The following ABCC4 variants were observed in gnomAD, a reference collection of about 807,000 sequenced individuals.
ABCC4 encodes ATP binding cassette subfamily C member 4 (PEL blood group), also known as ATP-binding cassette sub-family C member 4.
Under a neutral mutation model 168.5 loss-of-function variants are expected in ABCC4, and 102 were observed. The ratio of observed to expected loss-of-function variants is 0.61; its 90% CI spans 0.52 to 0.71. The LOEUF (loss-of-function observed/expected upper bound fraction) is 0.71. Ranked by LOEUF, ABCC4 falls within the 30% of genes least tolerant of loss-of-function variation. The pLI is 0.00. For missense variants in ABCC4, 1,402 were observed against 1,605.8 expected, an observed-to-expected ratio of 0.87 and a Z score of 2.17; for synonymous variants, 617 against 590.7, an observed-to-expected ratio of 1.04 and a Z score of -0.65.
intron 27 of ABCC4, among the ~76,000 whole-genome samples, chr13:95,047,683 C>T (rs142186805): frequency 0.014 from 2,103 of 152,002 alleles, 63 homozygotes; most frequent in African/African-American, 0.048. Context: ...TGGGGTTTCA[C>T]CATATTGGCC....
At chr13:95,299,169 G>A (rs1163761555) in intron 1 of ABCC4, among the ~76,000 whole-genome samples, 1 of 151,698 alleles carries the variant, frequency 6.6e-6, no homozygotes, top group African/African-American at 2.4e-5. Context: ...TGAGGCAGGA[G>A]GATTGCTTCG....
At chr13:95,058,924 C>T (rs953988518) in intron 26 of ABCC4, among the ~76,000 whole-genome samples, 37 of 152,174 alleles carry the variant, frequency 2.4e-4, no homozygotes, top group Non-Finnish European at 1.8e-4. Context: ...GCAGGTGCAA[C>T]CAATGGATCA....
At chr13:95,114,400 A>C (rs2035303702) in intron 20 of ABCC4, among the ~76,000 whole-genome samples, 1 of 152,196 alleles carries the variant, frequency 6.6e-6, no homozygotes, top group African/African-American at 2.4e-5. Context: ...TCCTGTTGCA[A>C]AGAAACAGAA....
At chr13:95,025,823 C>T (rs898550139) in intron 30 of ABCC4, among the ~76,000 whole-genome samples, 7 of 152,028 alleles carry the variant, frequency 4.6e-5, no homozygotes, top group African/African-American at 1.5e-4. Flanking sequence ...CTGTGCATAA[C>T]AGAGATACAA....
At chr13:95,228,800 C>G (rs1268454280) in intron 4 of ABCC4, among the ~76,000 whole-genome samples, 1 of 151,182 alleles carries the variant, frequency 6.6e-6, no homozygotes, top group East Asian at 1.9e-4. Context: ...TGGCTCACAC[C>G]TGTAATCCTG....
At chr13:95,251,839 C>A (rs1007576341) in intron 1 of ABCC4, among the ~76,000 whole-genome samples, 1 of 152,180 alleles carries the variant, frequency 6.6e-6, no homozygotes, top group African/African-American at 2.4e-5. Context: ...TCCACAGTTT[C>A]GCTTTCCACA....
intron 19 of ABCC4, among the ~76,000 whole-genome samples, chr13:95,130,086 A>G (rs906601431): frequency 1.3e-5 from 2 of 151,904 alleles, no homozygotes; most frequent in Admixed American, 1.3e-4. Context: ...AAAAAAAAAA[A>G]AAAAAGAAAA....
intron 1 of ABCC4, among the ~76,000 whole-genome samples, chr13:95,262,631 C>CG (rs1566579862): frequency 7.0e-6 from 1 of 142,212 alleles, no homozygotes; most frequent in East Asian, 2.1e-4. Flanking sequence ...GACACTTAGA[C>CG]TTTTTTTTTT....
At chr13:95,148,607 C>CACAT (rs2036572930) in intron 19 of ABCC4, among the ~76,000 whole-genome samples, 1 of 150,178 alleles carries the variant, frequency 6.7e-6, no homozygotes, top group Admixed American at 6.6e-5. Context: ...CACACACACA[C>CACAT]ACACACACAC....
chr13:95,097,220 T>TAAAAG (rs1190268955), intron 20 of ABCC4, among the ~76,000 whole-genome samples: 1 of 151,234 alleles, frequency 6.6e-6, no homozygotes, highest in East Asian at 1.9e-4. Flanking sequence ...ATAGAAAAAA[T>TAAAAG]AAGAACATAT....
intron 20 of ABCC4, among the ~76,000 whole-genome samples, chr13:95,113,312 C>A (rs147356169): frequency 6.6e-6 from 1 of 152,212 alleles, no homozygotes; most frequent in East Asian, 1.9e-4. Context: ...ACCGAGCAAC[C>A]CCCTTCATTC....
chr13:95,055,276 A>G (rs1401430117), intron 26 of ABCC4, among the ~76,000 whole-genome samples: 1 of 152,248 alleles, frequency 6.6e-6, no homozygotes, highest in East Asian at 1.9e-4. Context: ...CAACTCTAAA[A>G]TTCCAACCTC....
intron 1 of ABCC4, among the ~76,000 whole-genome samples, chr13:95,256,087 TGTGA>T (rs144215082): frequency 0.012 from 1,800 of 152,228 alleles, 33 homozygotes; most frequent in African/African-American, 0.041. Context: ...AATGAAGAAA[TGTGA>T]GTAAGATTTT....
intron 1 of ABCC4, among the ~76,000 whole-genome samples, chr13:95,294,585 A>G (rs946051842): frequency 6.6e-6 from 1 of 152,126 alleles, no homozygotes; most frequent in Non-Finnish European, 1.5e-5. Flanking sequence ...TGGAAGCGAG[A>G]CACCTTTTGC....
Position 95,207,185 on chromosome 13 carries a change from G to A in ABCC4, c.912-404C>T, listed in dbSNP as rs908416096. ...TAGGATTACAGGCATGTGCCACCAC[G>A]CCCAGCAAATGTTTGTATTTTTAGT... On this transcript the variant is annotated intron_variant, in intron 7 of 30. Transcript: ENST00000645237. Among the ~76,000 whole-genome samples the A allele has an allele frequency of 5.3e-5, 8 of 152,228 alleles. No homozygotes were observed. The East Asian group carries it at 5.8e-4, about 11-fold the overall frequency.
At chr13:95,193,692 A>T (rs2038329051) in intron 9 of ABCC4, among the ~76,000 whole-genome samples, 1 of 152,218 alleles carries the variant, frequency 6.6e-6, no homozygotes, top group African/African-American at 2.4e-5. Flanking sequence ...GTGTAATAAC[A>T]TAGTAAACAG....
At chr13:95,163,735 A>T in intron 16 of ABCC4, 88 bp from the exon 17 acceptor site, 1 of 1,161,084 alleles carries the variant, frequency 8.6e-7, no homozygotes, top group Non-Finnish European at 1.3e-6. Context: ...TGGACAACCG[A>T]AAGAAAGCCC....
At chr13:95,245,651 C>T (rs955880860) in intron 3 of ABCC4, among the ~76,000 whole-genome samples, 2 of 152,132 alleles carry the variant, frequency 1.3e-5, no homozygotes, top group African/African-American at 2.4e-5. Flanking sequence ...GCAGGCAGGG[C>T]GGGTACCCTC....
intron 8 of ABCC4, among the ~76,000 whole-genome samples, chr13:95,197,598 C>T (rs2038494778): frequency 6.6e-6 from 1 of 152,182 alleles, no homozygotes; most frequent in Non-Finnish European, 1.5e-5. Flanking sequence ...GCTGAAATGA[C>T]ATTGCCAATA....
Sources: gnomAD v4.1 joint callset for allele counts (sites outside exome capture counted in the v4.1 genomes callset) on GRCh38, gnomAD v4.1.1 for gene constraint, MANE v1.5 for transcripts, NCBI Gene and HGNC (gene_info 2026-07-23, HGNC 2026-07-21) for gene names.